The following UBR3 variants were observed in gnomAD, a reference collection of about 807,000 sequenced individuals.
The protein encoded by UBR3 is ubiquitin protein ligase E3 component n-recognin 3, also known as E3 ubiquitin-protein ligase UBR3.
In UBR3, 85 loss-of-function variants were observed where a neutral mutation model predicts 243.2. The observed-to-expected ratio is 0.35, with a 90% confidence interval of 0.29 to 0.42. The LOEUF is 0.42. Among genes scored for constraint, UBR3 ranks in the 10% least tolerant of loss-of-function variants. The pLI is 1.00. For missense variants in UBR3, 1,686 were observed against 2,300.8 expected, an observed-to-expected ratio of 0.73 and a Z score of 5.47; for synonymous variants, 748 against 799.8, an observed-to-expected ratio of 0.94 and a Z score of 1.09.
chr2:169,987,049 T>TA (rs1346319212), intron 25 of UBR3, among the ~76,000 whole-genome samples: 4 of 152,130 alleles, frequency 2.6e-5, no homozygotes, highest in Non-Finnish European at 4.4e-5. Context: ...GATGGTATAT[T>TA]ACCAATGCTA....
chr2:169,924,256 TA>T, intron 13 of UBR3, 83 bp downstream of exon 13: 1 of 1,051,868 alleles, frequency 9.5e-7, no homozygotes, highest in Non-Finnish European at 1.3e-6. Flanking sequence ...CTTTCATTGT[TA>T]TTATAGCTGA....
intron 6 of UBR3, among the ~76,000 whole-genome samples, chr2:169,892,128 A>G (rs908015178): frequency 6.6e-6 from 1 of 152,216 alleles, no homozygotes; most frequent in Non-Finnish European, 1.5e-5. Flanking sequence ...TCTAAGTCTC[A>G]GTTACTATGC....
chr2:170,077,344 G>C, intron 36 of UBR3: 1 of 894,384 alleles, frequency 1.1e-6, no homozygotes, highest in Non-Finnish European at 1.9e-6. Context: ...ATTCACCTCA[G>C]TAACAGTACC....
At chr2:169,830,793 T>G (rs2081907002) in intron 1 of UBR3, among the ~76,000 whole-genome samples, 1 of 152,078 alleles carries the variant, frequency 6.6e-6, no homozygotes, top group Non-Finnish European at 1.5e-5. Context: ...ACATTTTTAC[T>G]TCTTGGACTG....
chr2:169,890,581 G>GTGTGTATATATATGTA lies in UBR3; in HGVS notation c.1039-583_1039-582insGTGTATATATATGTAT, dbSNP rs1553504582. ...TATATATATGTGTATATATATATAT[G>GTGTGTATATATATGTA]TATATATATATGTATATATATGTAT... On this transcript the variant is annotated intron_variant, in intron 5 of 38. Coordinates refer to ENST00000272793, the MANE Select transcript of UBR3 (RefSeq NM_172070.4). Among the ~76,000 whole-genome samples, 5 of 96,498 alleles carry GTGTGTATATATATGTA rather than the reference G, an allele frequency of 5.2e-5. 1 individual carries two copies. The Middle Eastern group carries it at 0.014, about 273-fold the overall frequency. The allele number at this position is 96,498 out of a possible 152,430, so 63.3% of individuals were successfully genotyped here.
In UBR3 at chr2:170,015,918, A is replaced by G. The variant is rs540786366; in HGVS notation, c.4453+552A>G. Among the ~76,000 whole-genome samples the G allele has an allele frequency of 8.2e-4, 125 of 152,008 alleles. 1 individual carries two copies. The highest frequency in any genetic ancestry group is 2.9e-3 in the African/African-American group (120 of 41,548). The stretch of plus-strand genomic sequence containing the variant: ...AATTTAAAGTAGATTTTTCATGAGC[A>G]TGGCTTTGATGCTATCATTTTTTAG... On this transcript the variant is annotated intron_variant, in intron 30 of 38. Coordinates refer to ENST00000272793, the MANE Select transcript of UBR3 (RefSeq NM_172070.4).
chr2:170,033,631 T>C (rs1167229671), intron 31 of UBR3, among the ~76,000 whole-genome samples: 1 of 137,530 alleles, frequency 7.3e-6, no homozygotes, highest in Non-Finnish European at 1.6e-5. Context: ...CGTTTATTCA[T>C]TAAGTTGTAA....
intron 1 of UBR3, among the ~76,000 whole-genome samples, chr2:169,866,369 TG>T (rs1171364204): frequency 1.3e-5 from 2 of 151,186 alleles, no homozygotes; most frequent in Non-Finnish European, 2.9e-5. Flanking sequence ...TTTGTTTTTT[TG>T]TTTTTTTTTT....
chr2:169,862,675 C>T (rs987754448), intron 1 of UBR3, among the ~76,000 whole-genome samples: 25 of 151,542 alleles, frequency 1.6e-4, no homozygotes, highest in Non-Finnish European at 3.0e-4. Context: ...TTGTTATTTT[C>T]ACTGGATCAT....
chr2:169,857,596 T>A (rs1308789983), intron 1 of UBR3, among the ~76,000 whole-genome samples: 1 of 151,604 alleles, frequency 6.6e-6, no homozygotes, highest in African/African-American at 2.4e-5. Context: ...TTTTTTTTTT[T>A]TTTTATTTTT....
chr2:170,061,554 G>A (rs1268772399), intron 35 of UBR3, 111 bp downstream of exon 35: 9 of 1,339,294 alleles, frequency 6.7e-6, no homozygotes, highest in South Asian at 2.8e-5. Context: ...TGCAACCTCC[G>A]CCTGCCAGGT....
chr2:169,963,873 C>A (rs13407764), intron 24 of UBR3, among the ~76,000 whole-genome samples: 219 of 152,154 alleles, frequency 1.4e-3, no homozygotes, highest in African/African-American at 5.0e-3. Context: ...ACCAATATAA[C>A]CATCACCTTG....
rs66951181 is a variant in UBR3, at chr2:169,931,350, TAA to T, written c.2567-1540_2567-1539del. The stretch of plus-strand genomic sequence containing the variant: ...TGGGTGACAGAGCGAGAATCTGTCT[TAA>T]AAAAAAAAAAAAAAAAAAAAAGGAC... On this transcript the variant is annotated intron_variant, in intron 18 of 38. Coordinates refer to ENST00000272793, the MANE Select transcript of UBR3 (RefSeq NM_172070.4). Among the ~76,000 whole-genome samples, 387 of 87,554 alleles carry T rather than the reference TAA, an allele frequency of 4.4e-3. 3 individuals carry two copies. The highest frequency in any genetic ancestry group is 5.8e-3 in the Admixed American group (40 of 6,948). The allele number at this position is 87,554 out of a possible 152,430, so 57.4% of individuals were successfully genotyped here.
intron 24 of UBR3, among the ~76,000 whole-genome samples, chr2:169,976,878 G>C (rs968992141): frequency 5.9e-5 from 9 of 151,918 alleles, no homozygotes; most frequent in African/African-American, 1.9e-4. Context: ...TCACTTAATG[G>C]TGTTCCATAA....
intron 24 of UBR3, among the ~76,000 whole-genome samples, chr2:169,963,696 C>A (rs12185661): frequency 6.6e-6 from 1 of 151,926 alleles, no homozygotes; most frequent in Admixed American, 6.6e-5. Flanking sequence ...TATATTTTTA[C>A]TACCAGATTT....
At chr2:169,921,991 A>G (rs2085718607) in intron 11 of UBR3, among the ~76,000 whole-genome samples, 1 of 151,840 alleles carries the variant, frequency 6.6e-6, no homozygotes, top group South Asian at 2.1e-4. Context: ...ACTCAAAAAA[A>G]GGGTCTGCAC....
intron 26 of UBR3, among the ~76,000 whole-genome samples, chr2:169,995,297 A>C (rs1397609326): frequency 6.6e-6 from 1 of 152,204 alleles, no homozygotes; most frequent in Non-Finnish European, 1.5e-5. Context: ...TTAACCCATC[A>C]CCACTACTAC....
At chr2:170,077,457 A>G in intron 36 of UBR3, 2 of 1,474,932 alleles carry the variant, frequency 1.4e-6, no homozygotes, top group East Asian at 2.3e-5. Context: ...GATGTGTTAC[A>G]TGGGCTTTCT....
chr2:170,067,436 C>T (rs1460747375), intron 35 of UBR3, among the ~76,000 whole-genome samples: 2 of 152,180 alleles, frequency 1.3e-5, no homozygotes, highest in African/African-American at 2.4e-5. Flanking sequence ...CTTCAGTGTG[C>T]CTTCTTAGTA....
Sources: allele counts gnomAD v4.1 joint callset (sites outside exome capture counted in the v4.1 genomes callset), GRCh38; gene constraint gnomAD v4.1.1; transcripts MANE v1.5; gene names NCBI Gene and HGNC (gene_info 2026-07-23, HGNC 2026-07-21).